Variants in FAF1 observed in about 807,000 individuals in gnomAD.
FAF1 encodes Fas associated factor 1, also known as FAS-associated factor 1.
FAF1 carries 25 observed loss-of-function variants against 92.5 expected under a neutral mutation model. The observed-to-expected ratio is 0.27, with a 90% CI of 0.20 to 0.38. The LOEUF (loss-of-function observed/expected upper bound fraction) is 0.38, where lower values mean the gene tolerates loss of function less well. Among genes scored for constraint, FAF1 ranks in the 10% least tolerant of loss-of-function variants. The pLI is 1.00. For missense variants in FAF1, 636 were observed against 793.3 expected, an observed-to-expected ratio of 0.80 and a Z score of 2.38; for synonymous variants, 234 against 273.2, an observed-to-expected ratio of 0.86 and a Z score of 1.42.
intron 12 of FAF1, among the ~76,000 whole-genome samples, chr1:50,581,090 C>T (rs369466762): frequency 1.3e-5 from 2 of 152,290 alleles, no homozygotes; most frequent in East Asian, 3.9e-4. Flanking sequence ...TTTCCATAAA[C>T]CTATATTTAT....
chr1:50,513,195 A>G (rs1259722897), intron 15 of FAF1, among the ~76,000 whole-genome samples: 2 of 152,160 alleles, frequency 1.3e-5, no homozygotes, highest in Non-Finnish European at 2.9e-5. Flanking sequence ...ACGAATTCTC[A>G]CTGGCTAGGC....
At chr1:50,845,413 ACT>A (rs1401893634) in intron 2 of FAF1, among the ~76,000 whole-genome samples, 1 of 151,994 alleles carries the variant, frequency 6.6e-6, no homozygotes, top group Non-Finnish European at 1.5e-5. Context: ...ACCCACTAGG[ACT>A]CTGACTTCCT....
At chr1:50,710,444 G>A (rs1439860593) in intron 6 of FAF1, among the ~76,000 whole-genome samples, 6 of 152,008 alleles carry the variant, frequency 3.9e-5, no homozygotes, top group Admixed American at 2.0e-4. Context: ...CTTTGACCTC[G>A]ACAAGTCATT....
intron 15 of FAF1, among the ~76,000 whole-genome samples, chr1:50,524,549 G>C (rs537211218): frequency 6.6e-6 from 1 of 152,228 alleles, no homozygotes; most frequent in African/African-American, 2.4e-5. Context: ...TCTATCTTGA[G>C]TTAATTTTTG....
At chr1:50,695,593 C>T (rs1242648935) in intron 7 of FAF1, among the ~76,000 whole-genome samples, 2 of 151,972 alleles carry the variant, frequency 1.3e-5, no homozygotes. Context: ...AAATGGAGGG[C>T]CCATCTCTTT....
chr1:50,720,164 G>A (rs1258930861), intron 6 of FAF1, among the ~76,000 whole-genome samples: 1 of 152,050 alleles, frequency 6.6e-6, no homozygotes, highest in Non-Finnish European at 1.5e-5. Context: ...ACCACACCCA[G>A]CTAATTTTTG....
intron 17 of FAF1, 26 bp downstream of exon 17, chr1:50,490,562 T>A: frequency 1.8e-6 from 2 of 1,100,284 alleles, no homozygotes; most frequent in Non-Finnish European, 2.6e-6. Flanking sequence ...AGCTTTTGAA[T>A]AACTTTTCTT....
chr1:50,939,497 A>T (rs1282876181), intron 1 of FAF1, among the ~76,000 whole-genome samples: 1 of 152,108 alleles, frequency 6.6e-6, no homozygotes, highest in Non-Finnish European at 1.5e-5. Context: ...GTATAGTTTG[A>T]CTTTTTCATT....
At chr1:50,852,994 G>A (rs116725290) in intron 2 of FAF1, among the ~76,000 whole-genome samples, 126 of 152,268 alleles carry the variant, frequency 8.3e-4, no homozygotes, top group African/African-American at 3.0e-3. Context: ...ATCTTTTGTT[G>A]TAGCAAGCAT....
chr1:50,774,824 G>A (rs1297002724), intron 4 of FAF1, among the ~76,000 whole-genome samples: 2 of 152,052 alleles, frequency 1.3e-5, no homozygotes, highest in Non-Finnish European at 2.9e-5. Context: ...CCATTTTATA[G>A]GAGGACAAAT....
intron 18 of FAF1, among the ~76,000 whole-genome samples, chr1:50,474,160 C>A (rs1646608937): frequency 1.3e-5 from 2 of 152,208 alleles, no homozygotes; most frequent in South Asian, 4.1e-4. Context: ...TAACTTTCAA[C>A]TCATTGGTCC....
At chr1:50,958,705 A>T (rs1347331812) in intron 1 of FAF1, among the ~76,000 whole-genome samples, 25 of 151,758 alleles carry the variant, frequency 1.6e-4, no homozygotes, top group Admixed American at 2.6e-4. Flanking sequence ...AATTAATTTT[A>T]AAAAAAATAA....
chr1:50,679,527 A>C lies in FAF1; in HGVS notation c.658-23999T>G, dbSNP rs374981346. 6.3e-4 allele frequency among the ~76,000 whole-genome samples: 96 copies of C among 152,192 alleles called. 3 individuals carry two copies. The South Asian group carries it at 0.019, about 30-fold the overall frequency. On this transcript the variant is annotated intron_variant, in intron 7 of 18. Coordinates refer to ENST00000396153, the MANE Select transcript of FAF1 (RefSeq NM_007051.3). ...CTCAGACATTTAACAGACAATAAAT[A>C]AAAAGGTAATATAGCCAAAACTAAA...
intron 2 of FAF1, among the ~76,000 whole-genome samples, chr1:50,839,037 C>CT (rs1173348381): frequency 6.6e-6 from 1 of 152,048 alleles, no homozygotes; most frequent in Non-Finnish European, 1.5e-5. Flanking sequence ...TCAGGTACTG[C>CT]TTTTTTTGAT....
chr1:50,695,510 T>A (rs1299523689), intron 7 of FAF1, among the ~76,000 whole-genome samples: 2 of 152,190 alleles, frequency 1.3e-5, no homozygotes, highest in African/African-American at 4.8e-5. Flanking sequence ...TGGAAATGTG[T>A]CATTTAACTA....
At chr1:50,676,586 C>T (rs893128590) in intron 7 of FAF1, among the ~76,000 whole-genome samples, 32 of 152,024 alleles carry the variant, frequency 2.1e-4, no homozygotes, top group Admixed American at 6.6e-5. Context: ...TTTGGGAGAC[C>T]GAGGTCGGCA....
At chr1:50,826,409 G>A (rs1244480624) in intron 2 of FAF1, among the ~76,000 whole-genome samples, 5 of 152,048 alleles carry the variant, frequency 3.3e-5, no homozygotes, top group African/African-American at 1.2e-4. Context: ...AATTAGCTGG[G>A]CACAGTGGCA....
At position 50,448,372 on chromosome 1, in the gene FAF1, C is replaced by T. The variant is rs188211343; in HGVS notation, c.1870-6849G>A. Among the ~76,000 whole-genome samples, 276 of 151,896 alleles carry T rather than the reference C, an allele frequency of 1.8e-3. 3 individuals are homozygous for T. The highest frequency in any genetic ancestry group is 5.3e-4 in the Non-Finnish European group (36 of 67,906). On this transcript the variant is annotated intron_variant, in intron 18 of 18. Coordinates refer to ENST00000396153, the MANE Select transcript of FAF1 (RefSeq NM_007051.3). ...CAATGTTTATTTATAAAATTGAGAC[C>T]TTTTTTTTGCCTCCCAGAGTTGTTG...
chr1:50,518,890 G>A (rs1469775113), intron 15 of FAF1, among the ~76,000 whole-genome samples: 1 of 152,106 alleles, frequency 6.6e-6, no homozygotes, highest in African/African-American at 2.4e-5. Flanking sequence ...TATTCTTGAC[G>A]GCAGTGAATA....
Sources: gnomAD v4.1 joint callset for allele counts (sites outside exome capture counted in the v4.1 genomes callset) on GRCh38, gnomAD v4.1.1 for gene constraint, MANE v1.5 for transcripts, NCBI Gene and HGNC (gene_info 2026-07-23, HGNC 2026-07-21) for gene names.